ZNF805: variants seen among roughly 807,000 people sequenced by gnomAD.
ZNF805 encodes zinc finger protein 805.
ZNF805 carries 7 observed loss-of-function variants against 13.6 expected under a neutral mutation model. The observed-to-expected ratio is 0.51, with a 90% CI of 0.29 to 0.97. ZNF805 has a LOEUF of 0.97. Ranked by LOEUF, ZNF805 falls within the 50% of genes least tolerant of loss-of-function variation. ZNF805 has a pLI of 0.08. For synonymous variants in ZNF805, 293 were observed against 279.8 expected (o/e 1.05, Z -0.47); for missense variants, 604 against 771.0 (o/e 0.78, Z 2.57).
At position 57,259,546 on chromosome 19, in the gene ZNF805, G is replaced by T. The variant is rs1222744214; in HGVS notation, c.*4843G>T. ...TTTGAGACAGACTCTTTGCTCTGTT[G>T]CCCAGGCTGGAGTGCAGTGGCGCGA... On this transcript the variant is annotated 3_prime_UTR_variant, in exon 4 of 4. Transcript: ENST00000414468. Among the ~76,000 whole-genome samples the T allele has an allele frequency of 2.0e-5, 3 of 151,912 alleles. No homozygotes were observed. The highest frequency in any genetic ancestry group is 4.4e-5 in the Non-Finnish European group (3 of 68,002).
At chr19:57,245,579 A>T (rs558421924) in intron 2 of ZNF805, among the ~76,000 whole-genome samples, 2 of 149,534 alleles carry the variant, frequency 1.3e-5, no homozygotes, top group Admixed American at 6.7e-5. Context: ...GGAGATAGAG[A>T]CCATCCTGGC....
Position 57,254,544 on chromosome 19 carries a change from T to C in ZNF805, c.1725T>C (p.Pro575=). 1 of 1,614,182 alleles carries C rather than the reference T, an allele frequency of 6.2e-7. No individual in the cohort carries two copies. Among genetic ancestry groups the C allele is most frequent in the South Asian group, 1.1e-5 (1 of 91,084 alleles). ...NPISVTDVGR[P]FTSGQTSVNI... is the part of the protein sequence containing the mutation. ...TCAGTGTAACAGATGTGGGAAGACC[T>C]TTTACAAGTGGGCAGACCTCAGTCA... is the stretch of plus-strand genomic sequence containing the variant. Residue 575 remains proline (P), a synonymous_variant, in exon 4 of 4, where the codon CCT becomes CCC. Coordinates refer to ENST00000414468, the MANE Select transcript of ZNF805 (RefSeq NM_001023563.4).
At chr19:57,245,519 C>T (rs992404348) in intron 2 of ZNF805, among the ~76,000 whole-genome samples, 3 of 151,996 alleles carry the variant, frequency 2.0e-5, no homozygotes, top group Admixed American at 6.6e-5. Flanking sequence ...ATAGCTCATG[C>T]CTGTAATCCC....
chr19:57,262,615 T>C lies in ZNF805; in HGVS notation c.*7912T>C, dbSNP rs2087731462. On this transcript the variant is annotated 3_prime_UTR_variant, in exon 4 of 4. Transcript: ENST00000414468. ...TCTCATCCACTCTTTGTTCTTGCTA[T>C]TGAAAGTTGTAGCTTCTGGCTACAA... The C allele has an allele frequency of 6.0e-6, 1 of 167,112 alleles. No homozygotes were observed. Among genetic ancestry groups the C allele is most frequent in the African/African-American group, 2.4e-5 (1 of 41,464 alleles). 10.4% of individuals were successfully genotyped at this position (167,112 alleles called of 1,614,324 possible).
At chr19:57,249,281 G>A (rs1293346376) in intron 3 of ZNF805, among the ~76,000 whole-genome samples, 1 of 152,172 alleles carries the variant, frequency 6.6e-6, no homozygotes, top group Non-Finnish European at 1.5e-5. Flanking sequence ...GGCTGTACTT[G>A]GGTCCATGAG....
chr19:57,245,789 A>C (rs1394962865), intron 2 of ZNF805, among the ~76,000 whole-genome samples: 2 of 152,070 alleles, frequency 1.3e-5, no homozygotes, highest in African/African-American at 2.4e-5. Context: ...AAAAAAAAAA[A>C]AAACCTAAGA....
At position 57,258,775 on chromosome 19, in the gene ZNF805, C is replaced by A. The variant is rs2087705796; in HGVS notation, c.*4072C>A. Among the ~76,000 whole-genome samples the A allele has an allele frequency of 6.6e-6, 1 of 152,098 alleles. No homozygotes were observed. Among genetic ancestry groups the A allele is most frequent in the South Asian group, 2.1e-4 (1 of 4,828 alleles). On this transcript the variant is annotated 3_prime_UTR_variant, in exon 4 of 4. Coordinates refer to ENST00000414468, the MANE Select transcript of ZNF805 (RefSeq NM_001023563.4). ...AAGTATTGCTTGTTGATCTCTTTAC[C>A]CATTCCACTATTCTTTCTTGAAATT...
chr19:57,241,001 C>G, intron 1 of ZNF805, 80 bp downstream of exon 1: 1 of 1,426,468 alleles, frequency 7.0e-7, no homozygotes, highest in Non-Finnish European at 9.6e-7. Context: ...GCCAAGACAG[C>G]CACAGGATTC....
intron 2 of ZNF805, among the ~76,000 whole-genome samples, chr19:57,245,555 G>C (rs369328282): frequency 2.0e-5 from 3 of 150,828 alleles, no homozygotes; most frequent in Admixed American, 6.6e-5. Flanking sequence ...CGAGATGGGC[G>C]GATCACAAGG....
In ZNF805 at chr19:57,257,818, T is replaced by C. The variant is rs1375798885; in HGVS notation, c.*3115T>C. 6.7e-6 allele frequency among the ~76,000 whole-genome samples: 1 copy of C among 149,340 alleles called. No individual in the cohort carries two copies. Among genetic ancestry groups the C allele is most frequent in the Non-Finnish European group, 1.5e-5 (1 of 67,620 alleles). On this transcript the variant is annotated 3_prime_UTR_variant, in exon 4 of 4. Transcript: ENST00000414468. The stretch of plus-strand genomic sequence containing the variant: ...GCCTCCTGGGTTCAAGTGATTCTCC[T>C]GCCTCAGGCTCTTGAGTAGCTGGGA...
chr19:57,259,353 CCTT>C lies in ZNF805; in HGVS notation c.*4651_*4653del, dbSNP rs1434705243. Among the ~76,000 whole-genome samples the C allele has an allele frequency of 6.6e-6, 1 of 151,550 alleles. No individual in the cohort carries two copies. The highest frequency in any genetic ancestry group is 6.6e-5 in the Admixed American group (1 of 15,190). On this transcript the variant is annotated 3_prime_UTR_variant, in exon 4 of 4. Coordinates refer to ENST00000414468, the MANE Select transcript of ZNF805 (RefSeq NM_001023563.4). ...ACCCCCTTTTTCTGGTCTATTTTTC[CCTT>C]TTTTTCATATTGGTTAATTTCTGTT...
At chr19:57,241,470 C>G (rs921961815) in intron 1 of ZNF805, among the ~76,000 whole-genome samples, 14 of 152,290 alleles carry the variant, frequency 9.2e-5, no homozygotes, top group African/African-American at 2.9e-4. Flanking sequence ...TGTCAGGCCT[C>G]TGAAAGCTGC....
chr19:57,257,765 G>A lies in ZNF805; in HGVS notation c.*3062G>A, dbSNP rs541001655. Among the ~76,000 whole-genome samples, 1 of 145,448 alleles carries A rather than the reference G, an allele frequency of 6.9e-6. No homozygotes were observed. Among genetic ancestry groups the A allele is most frequent in the Non-Finnish European group, 1.5e-5 (1 of 67,062 alleles). ...CTTGTTGCCCAGGCTGGAGTGGAGT[G>A]GTGCGATCTCCGCTCACTGCAACCT... On this transcript the variant is annotated 3_prime_UTR_variant, in exon 4 of 4. Transcript: ENST00000414468.
rs1437616942 is a variant in ZNF805, at chr19:57,259,978, A to G, written c.*5275A>G. ...GAGTAGAAGTCCTGTAATCTTTTAT[A>G]TTGGGCTTCTTAAATATTTCTGTCA... On this transcript the variant is annotated 3_prime_UTR_variant, in exon 4 of 4. Coordinates refer to ENST00000414468, the MANE Select transcript of ZNF805 (RefSeq NM_001023563.4). 6.6e-6 allele frequency among the ~76,000 whole-genome samples: 1 copy of G among 152,182 alleles called. No individual in the cohort carries two copies. Among genetic ancestry groups the G allele is most frequent in the Non-Finnish European group, 1.5e-5 (1 of 68,014 alleles).
chr19:57,260,323 T>A lies in ZNF805; in HGVS notation c.*5620T>A, dbSNP rs1243985627. 2.0e-5 allele frequency among the ~76,000 whole-genome samples: 3 copies of A among 152,194 alleles called. No individual in the cohort carries two copies. Among genetic ancestry groups the A allele is most frequent in the Non-Finnish European group, 2.9e-5 (2 of 68,034 alleles). On this transcript the variant is annotated 3_prime_UTR_variant, in exon 4 of 4. Coordinates refer to ENST00000414468, the MANE Select transcript of ZNF805 (RefSeq NM_001023563.4). Reference sequence around the variant, plus strand: ...AACCTATTTCACCCTTCCTTGCCTATCAAGCTCTGGTTATTCTTTCTTCCA... The same window carrying A: ...AACCTATTTCACCCTTCCTTGCCTAACAAGCTCTGGTTATTCTTTCTTCCA...
intron 2 of ZNF805, among the ~76,000 whole-genome samples, chr19:57,245,575 A>T (rs2361126): frequency 0.23 from 34,267 of 147,546 alleles, 4,314 homozygotes; most frequent in Middle Eastern, 0.32. Context: ...GTCAGGAGAT[A>T]GAGACCATCC....
At position 57,258,574 on chromosome 19, in the gene ZNF805, A is replaced by ACC. The variant is rs1228378129; in HGVS notation, c.*3871_*3872insCC. Among the ~76,000 whole-genome samples, 1 of 151,582 alleles carries ACC rather than the reference A, an allele frequency of 6.6e-6. No homozygotes were observed. Among genetic ancestry groups the ACC allele is most frequent in the Non-Finnish European group, 1.5e-5 (1 of 67,982 alleles). ...GTAGTATAATGTACATATGTAACATAATTACAGTTAATGGTATGAAAAATT... is the reference window on the plus strand; with the variant it reads ...GTAGTATAATGTACATATGTAACATACCATTACAGTTAATGGTATGAAAAATT... On this transcript the variant is annotated 3_prime_UTR_variant, in exon 4 of 4. Coordinates refer to ENST00000414468, the MANE Select transcript of ZNF805 (RefSeq NM_001023563.4).
Position 57,259,169 on chromosome 19 carries a change from T to TG in ZNF805, c.*4466_*4467insG, listed in dbSNP as rs1175602379. On this transcript the variant is annotated 3_prime_UTR_variant, in exon 4 of 4. Transcript: ENST00000414468. ...TGAGTGTATCATGTTTGGTTTTTGT[T>TG]TAGCTTTTTGATTTGTCGGTTTATG... Among the ~76,000 whole-genome samples the TG allele has an allele frequency of 6.6e-6, 1 of 152,150 alleles. No individual in the cohort carries two copies. Among genetic ancestry groups the TG allele is most frequent in the East Asian group, 1.9e-4 (1 of 5,196 alleles).
chr19:57,254,891 T>A lies in ZNF805; in HGVS notation c.*188T>A. ...AGTGCAATGTTATCTCAGGAATTTT[T>A]ATAAACAGAAAGAGGTGACATAGAA... On this transcript the variant is annotated 3_prime_UTR_variant, in exon 4 of 4. Transcript: ENST00000414468. The A allele has an allele frequency of 1.6e-6, 1 of 607,338 alleles. No individual in the cohort carries two copies. The highest frequency in any genetic ancestry group is 2.5e-5 in the South Asian group (1 of 39,956). 37.6% of individuals were successfully genotyped at this position (607,338 alleles called of 1,614,324 possible). A position where few individuals can be genotyped will look rare whatever the true frequency, so the allele number is the denominator to read the frequency against.
Sources: gnomAD v4.1 joint callset for allele counts (sites outside exome capture counted in the v4.1 genomes callset) on GRCh38, gnomAD v4.1.1 for gene constraint, MANE v1.5 for transcripts, NCBI Gene and HGNC (gene_info 2026-07-23, HGNC 2026-07-21) for gene names.